CDH18: variants seen among roughly 807,000 people sequenced by gnomAD.
CDH18 encodes the protein cadherin 18, also known as cadherin-18.
Under a neutral mutation model 67.9 loss-of-function variants are expected in CDH18, and 31 were observed. That is an observed-to-expected ratio of 0.46 (90% CI 0.34 to 0.62). CDH18 has a LOEUF of 0.62. Among genes scored for constraint, CDH18 ranks in the 20% least tolerant of loss-of-function variants. CDH18 has a pLI of 0.01. For missense variants in CDH18, 890 were observed against 975.5 expected, an observed-to-expected ratio of 0.91 and a Z score of 1.17; for synonymous variants, 362 against 347.2, an observed-to-expected ratio of 1.04 and a Z score of -0.48.
chr5:19,638,552 T>C (rs953960639), intron 5 of CDH18, among the ~76,000 whole-genome samples: 2 of 151,988 alleles, frequency 1.3e-5, no homozygotes, highest in East Asian at 3.9e-4. Flanking sequence ...CTAAGTTTTT[T>C]TTTTCTTTTT....
chr5:20,196,916 T>C (rs1023951016), intron 2 of CDH18, among the ~76,000 whole-genome samples: 3 of 152,310 alleles, frequency 2.0e-5, no homozygotes, highest in African/African-American at 7.2e-5. Context: ...TGGTTTTGTA[T>C]GGTTTAAGTG....
At chr5:19,752,297 T>C (rs1356255944) in intron 3 of CDH18, among the ~76,000 whole-genome samples, 5 of 152,060 alleles carry the variant, frequency 3.3e-5, no homozygotes, top group African/African-American at 9.7e-5. Context: ...TCCTCAGCCC[T>C]GCTTGCCCAT....
At chr5:20,106,006 C>T (rs985287552) in intron 2 of CDH18, among the ~76,000 whole-genome samples, 4 of 152,134 alleles carry the variant, frequency 2.6e-5, no homozygotes, top group Admixed American at 1.3e-4. Context: ...TTTCTGTCCC[C>T]CTTTTTTTCT....
intron 1 of CDH18, among the ~76,000 whole-genome samples, chr5:20,503,191 A>T (rs1408915807): frequency 9.4e-5 from 4 of 42,348 alleles, no homozygotes; most frequent in East Asian, 1.0e-3. Context: ...CACAAATTTA[A>T]AAAAAAAACT....
chr5:19,789,766 A>G (rs1776172006), intron 3 of CDH18, among the ~76,000 whole-genome samples: 1 of 152,130 alleles, frequency 6.6e-6, no homozygotes, highest in Non-Finnish European at 1.5e-5. Flanking sequence ...GATGTTTGCC[A>G]ATAGTAGTAC....
intron 1 of CDH18, among the ~76,000 whole-genome samples, chr5:20,363,519 G>T (rs919731915): frequency 6.8e-6 from 1 of 146,574 alleles, no homozygotes; most frequent in African/African-American, 2.5e-5. Context: ...TCTCTGTTAC[G>T]TCCCATATTA....
chr5:19,545,950 A>C (rs888160627), intron 8 of CDH18, among the ~76,000 whole-genome samples: 1 of 152,218 alleles, frequency 6.6e-6, no homozygotes. Flanking sequence ...TGAGCACTGA[A>C]GTACACAACC....
intron 2 of CDH18, among the ~76,000 whole-genome samples, chr5:20,057,561 A>G (rs1742104333): frequency 6.6e-6 from 1 of 152,192 alleles, no homozygotes. Context: ...GAAGAAAGAT[A>G]GCTATCATGA....
intron 2 of CDH18, among the ~76,000 whole-genome samples, chr5:20,155,064 G>GA (rs1751419155): frequency 6.6e-6 from 1 of 151,964 alleles, no homozygotes; most frequent in South Asian, 2.1e-4. Flanking sequence ...ATTACCATAA[G>GA]AAAAAAATTT....
At chr5:20,479,324 C>G (rs1752638240) in intron 1 of CDH18, among the ~76,000 whole-genome samples, 1 of 152,026 alleles carries the variant, frequency 6.6e-6, no homozygotes, top group Admixed American at 6.6e-5. Flanking sequence ...AAATTTCTGA[C>G]AGGGGATTCA....
At chr5:19,654,299 C>T (rs1341489381) in intron 5 of CDH18, among the ~76,000 whole-genome samples, 1 of 152,082 alleles carries the variant, frequency 6.6e-6, no homozygotes, top group Admixed American at 6.6e-5. Flanking sequence ...TTTTGTATTA[C>T]ATAACTAAAA....
chr5:19,842,788 A>G (rs984638486), intron 2 of CDH18, among the ~76,000 whole-genome samples: 1 of 152,120 alleles, frequency 6.6e-6, no homozygotes, highest in Non-Finnish European at 1.5e-5. Flanking sequence ...AACGGTTTTG[A>G]CCCAAACACT....
At chr5:19,792,737 C>T (rs1281952292) in intron 3 of CDH18, among the ~76,000 whole-genome samples, 1 of 152,048 alleles carries the variant, frequency 6.6e-6, no homozygotes, top group Admixed American at 6.6e-5. Context: ...TGTTAAACAA[C>T]TGCAAAAAGC....
chr5:19,603,468 G>A (rs895172358), intron 6 of CDH18, among the ~76,000 whole-genome samples: 1 of 151,994 alleles, frequency 6.6e-6, no homozygotes, highest in Non-Finnish European at 1.5e-5. Context: ...ATGAATATAC[G>A]TAGTGTTATT....
intron 2 of CDH18, among the ~76,000 whole-genome samples, chr5:20,251,132 G>A (rs1453053000): frequency 6.6e-6 from 1 of 152,064 alleles, no homozygotes; most frequent in African/African-American, 2.4e-5. Context: ...GCTCTAACAT[G>A]CAGAAAAAAA....
chr5:19,874,557 T>C (rs1208329521), intron 2 of CDH18, among the ~76,000 whole-genome samples: 1 of 152,234 alleles, frequency 6.6e-6, no homozygotes, highest in Non-Finnish European at 1.5e-5. Flanking sequence ...TAGTTTATAA[T>C]AAACTTGCTT....
intron 1 of CDH18, among the ~76,000 whole-genome samples, chr5:20,431,532 G>T (rs989131091): frequency 7.2e-6 from 1 of 138,308 alleles, no homozygotes; most frequent in Non-Finnish European, 1.6e-5. Flanking sequence ...AATAGAAAAA[G>T]AAAAGAACCT....
chr5:20,480,343 T>C (rs1248291080), intron 1 of CDH18, among the ~76,000 whole-genome samples: 1 of 152,174 alleles, frequency 6.6e-6, no homozygotes, highest in Non-Finnish European at 1.5e-5. Flanking sequence ...TTTCAAGACA[T>C]AGACAGTATA....
intron 6 of CDH18, among the ~76,000 whole-genome samples, chr5:19,593,711 CTTCTTCTTCTTCTTCTTCTT>C (rs1561425947): frequency 9.3e-5 from 12 of 129,394 alleles, no homozygotes; most frequent in African/African-American, 3.9e-4. Context: ...CCTCCTCCTT[CTTCTTCTTCTTCTTCTTCTT>C]CTTCTTCTTC....
Sources: gnomAD v4.1 joint callset for allele counts (sites outside exome capture counted in the v4.1 genomes callset) on GRCh38, gnomAD v4.1.1 for gene constraint, MANE v1.5 for transcripts, NCBI Gene and HGNC (gene_info 2026-07-23, HGNC 2026-07-21) for gene names.